NLGN1: variants seen among roughly 807,000 people sequenced by gnomAD.
The protein encoded by NLGN1 is neuroligin 1, also known as neuroligin-1.
Under a neutral mutation model 65.5 loss-of-function variants are expected in NLGN1, and 12 were observed. That is an observed-to-expected ratio of 0.18 (90% CI 0.12 to 0.30). The LOEUF (loss-of-function observed/expected upper bound fraction) is 0.30, where lower values mean the gene tolerates loss of function less well. NLGN1 is among the 10% of genes least tolerant of loss of function. The pLI, the probability that NLGN1 is intolerant of heterozygous loss-of-function variation, is 1.00. For missense variants in NLGN1, 750 were observed against 1,007.1 expected (o/e 0.74, Z 3.46); for synonymous variants, 350 against 359.5 (o/e 0.97, Z 0.30).
chr3:174,140,896 A>G (rs886418335), intron 4 of NLGN1, among the ~76,000 whole-genome samples: 5 of 152,178 alleles, frequency 3.3e-5, no homozygotes, highest in African/African-American at 9.7e-5. Context: ...GGGAAAAATT[A>G]TATTAGTTAA....
intron 4 of NLGN1, among the ~76,000 whole-genome samples, chr3:174,050,737 G>T (rs1734643758): frequency 6.6e-6 from 1 of 151,838 alleles, no homozygotes; most frequent in Admixed American, 6.6e-5. Context: ...ATTTAGAATG[G>T]CTTTAAAGCT....
intron 4 of NLGN1, among the ~76,000 whole-genome samples, chr3:174,055,588 G>A (rs1735882137): frequency 6.6e-6 from 1 of 151,960 alleles, no homozygotes; most frequent in South Asian, 2.1e-4. Context: ...GGCACTCTAG[G>A]AAAATTCATT....
At chr3:174,096,325 G>A (rs1328544239) in intron 4 of NLGN1, among the ~76,000 whole-genome samples, 1 of 151,510 alleles carries the variant, frequency 6.6e-6, no homozygotes, top group East Asian at 1.9e-4. Context: ...CATCTCCCTT[G>A]GTGACCCATG....
intron 4 of NLGN1, among the ~76,000 whole-genome samples, chr3:173,853,410 A>G (rs1727355570): frequency 1.3e-5 from 2 of 152,176 alleles, no homozygotes; most frequent in Non-Finnish European, 2.9e-5. Flanking sequence ...GCTCCATTTT[A>G]TAATAATAGA....
chr3:173,530,870 T>A (rs530763422), intron 2 of NLGN1, among the ~76,000 whole-genome samples: 1 of 152,258 alleles, frequency 6.6e-6, no homozygotes, highest in African/African-American at 2.4e-5. Context: ...TAGTTAAAAT[T>A]ATTTTTACTG....
At chr3:173,866,109 A>C (rs1309651092) in intron 4 of NLGN1, among the ~76,000 whole-genome samples, 1 of 152,160 alleles carries the variant, frequency 6.6e-6, no homozygotes, top group African/African-American at 2.4e-5. Flanking sequence ...CTGTTCTTTC[A>C]TCAGGATACT....
intron 4 of NLGN1, among the ~76,000 whole-genome samples, chr3:174,129,770 T>C (rs1719777186): frequency 6.6e-6 from 1 of 152,220 alleles, no homozygotes; most frequent in Non-Finnish European, 1.5e-5. Flanking sequence ...GTTAAAGTAA[T>C]TAATGTGCCT....
rs932627781 is a variant in NLGN1, at chr3:174,173,291, G to A, written c.647-102024G>A. 4.6e-5 allele frequency among the ~76,000 whole-genome samples: 7 copies of A among 151,874 alleles called. No individual in the cohort carries two copies. The East Asian group carries it at 7.7e-4, about 17-fold the overall frequency. ...TGACTTATTCCTTTCCAATTTGGAT[G>A]CCCTTTATTTTTTTCTCTTATCTGA... On this transcript the variant is annotated intron_variant, in intron 4 of 6. Coordinates refer to ENST00000457714, the Ensembl canonical transcript of NLGN1.
intron 5 of NLGN1, among the ~76,000 whole-genome samples, chr3:174,278,253 A>G (rs1403480605): frequency 1.3e-5 from 2 of 151,996 alleles, no homozygotes; most frequent in East Asian, 3.9e-4. Flanking sequence ...TCAGAATACT[A>G]TGTCTGACAT....
At chr3:173,661,784 C>A (rs545092878) in intron 3 of NLGN1, among the ~76,000 whole-genome samples, 1 of 151,856 alleles carries the variant, frequency 6.6e-6, no homozygotes, top group Non-Finnish European at 1.5e-5. Flanking sequence ...TAGCGAAAGT[C>A]GTTAGAATAC....
intron 2 of NLGN1, among the ~76,000 whole-genome samples, chr3:173,473,747 C>G (rs1725715955): frequency 6.6e-6 from 1 of 152,144 alleles, no homozygotes; most frequent in African/African-American, 2.4e-5. Flanking sequence ...GTGTGCATTT[C>G]CTACTCAGTT....
At chr3:173,810,100 G>A (rs1351428967) in intron 4 of NLGN1, among the ~76,000 whole-genome samples, 1 of 152,142 alleles carries the variant, frequency 6.6e-6, no homozygotes, top group Non-Finnish European at 1.5e-5. Context: ...ATTGGTTCTC[G>A]AACAGAGGTA....
chr3:174,007,815 C>T (rs998102894), intron 4 of NLGN1, among the ~76,000 whole-genome samples: 1 of 152,092 alleles, frequency 6.6e-6, no homozygotes. Context: ...ACATTGTATA[C>T]ACACACACAT....
At chr3:173,565,633 AC>A (rs1474765550) in intron 2 of NLGN1, among the ~76,000 whole-genome samples, 1 of 152,216 alleles carries the variant, frequency 6.6e-6, no homozygotes, top group Non-Finnish European at 1.5e-5. Flanking sequence ...GAGGAAAACT[AC>A]AAGGTAACTC....
At chr3:174,071,908 A>G (rs1338019414) in intron 4 of NLGN1, among the ~76,000 whole-genome samples, 1 of 152,130 alleles carries the variant, frequency 6.6e-6, no homozygotes, top group Non-Finnish European at 1.5e-5. Context: ...GCTTATGTCC[A>G]AGTAAGATCT....
intron 3 of NLGN1, among the ~76,000 whole-genome samples, chr3:173,626,857 G>A (rs1754900148): frequency 6.6e-6 from 1 of 152,020 alleles, no homozygotes; most frequent in Non-Finnish European, 1.5e-5. Flanking sequence ...CTTCAAGACT[G>A]TATTGATGAT....
chr3:174,273,972 G>C (rs919047431), intron 4 of NLGN1, among the ~76,000 whole-genome samples: 2 of 151,540 alleles, frequency 1.3e-5, no homozygotes, highest in Non-Finnish European at 3.0e-5. Flanking sequence ...AAATGTAATC[G>C]ATGTCCTAGC....
chr3:174,190,083 AG>A (rs1732113538), intron 4 of NLGN1, among the ~76,000 whole-genome samples: 1 of 152,124 alleles, frequency 6.6e-6, no homozygotes. Flanking sequence ...ACAACACTTG[AG>A]CACTGTGCTA....
intron 3 of NLGN1, among the ~76,000 whole-genome samples, chr3:173,668,045 A>G (rs1478692477): frequency 6.6e-6 from 1 of 152,218 alleles, no homozygotes; most frequent in East Asian, 1.9e-4. Flanking sequence ...TCTTCAATTG[A>G]AGGCACAAGG....
Sources: allele counts gnomAD v4.1 joint callset (sites outside exome capture counted in the v4.1 genomes callset), GRCh38; gene constraint gnomAD v4.1.1; transcripts MANE v1.5; gene names NCBI Gene and HGNC (gene_info 2026-07-23, HGNC 2026-07-21).